PSEN1: variants seen among roughly 807,000 people sequenced by gnomAD.
The protein encoded by PSEN1 is presenilin 1.
Under a neutral mutation model 53.5 loss-of-function variants are expected in PSEN1, and 15 were observed. The observed-to-expected ratio is 0.28, with a 90% CI of 0.19 to 0.43. PSEN1 has a LOEUF of 0.43. Among genes scored for constraint, PSEN1 ranks in the 20% least tolerant of loss-of-function variants. The probability of loss-of-function intolerance (pLI) is 1.00; values close to 1 mark genes in which losing one functional copy is unlikely to be tolerated. For synonymous variants in PSEN1, 208 were observed against 209.8 expected (o/e 0.99, Z 0.08); for missense variants, 387 against 571.2 (o/e 0.68, Z 3.29).
chr14:73,185,198 C>A (rs1320065413), intron 5 of PSEN1, among the ~76,000 whole-genome samples: 1 of 151,098 alleles, frequency 6.6e-6, no homozygotes, highest in African/African-American at 2.4e-5. Context: ...ACTTCCCAGA[C>A]GGGGTGGCGG....
At chr14:73,165,478 G>A (rs1897682918) in intron 3 of PSEN1, among the ~76,000 whole-genome samples, 1 of 151,766 alleles carries the variant, frequency 6.6e-6, no homozygotes, top group Non-Finnish European at 1.5e-5. Context: ...GGGCGCAGTG[G>A]CTCACGCCTT....
intron 3 of PSEN1, among the ~76,000 whole-genome samples, chr14:73,170,039 C>T (rs1195264598): frequency 6.6e-6 from 1 of 152,192 alleles, no homozygotes; most frequent in African/African-American, 2.4e-5. Flanking sequence ...TTAGACCATA[C>T]AAGGTAACTT....
At chr14:73,148,355 A>T (rs1897128277) in intron 3 of PSEN1, among the ~76,000 whole-genome samples, 1 of 152,192 alleles carries the variant, frequency 6.6e-6, no homozygotes, top group Non-Finnish European at 1.5e-5. Context: ...CAAGGTGTGC[A>T]GCGCCTCATA....
chr14:73,186,750 CT>C, intron 5 of PSEN1, 102 bp from the exon 6 acceptor site: 1 of 948,108 alleles, frequency 1.1e-6, no homozygotes, highest in South Asian at 1.3e-5. Flanking sequence ...GCACTCCAGT[CT>C]GGGCGACAAA....
Position 73,142,053 on chromosome 14 carries a change from G to C in PSEN1, c.-136+5470G>C, listed in dbSNP as rs182558084. ...CTGCACTCCAGCCTGGGCGACAGAG[G>C]GAGACTCCGTCTCAAAAAAAAAAAA... On this transcript the variant is annotated intron_variant, in intron 1 of 11. Transcript: ENST00000324501. Among the ~76,000 whole-genome samples, 7 of 151,072 alleles carry C rather than the reference G, an allele frequency of 4.6e-5. No homozygotes were observed. The East Asian group carries it at 1.4e-3, about 29-fold the overall frequency.
intron 3 of PSEN1, among the ~76,000 whole-genome samples, chr14:73,158,046 A>C (rs1286149047): frequency 2.0e-5 from 3 of 151,538 alleles, no homozygotes; most frequent in African/African-American, 7.3e-5. Flanking sequence ...AATTATTTTG[A>C]AATTCGTCCA....
intron 8 of PSEN1, among the ~76,000 whole-genome samples, chr14:73,199,891 G>A (rs1409259766): frequency 2.0e-5 from 3 of 152,122 alleles, no homozygotes; most frequent in Admixed American, 6.5e-5. Context: ...GATTACAGGC[G>A]TGTGCCACCA....
chr14:73,158,833 C>G (rs1188161121), intron 3 of PSEN1, among the ~76,000 whole-genome samples: 1 of 152,202 alleles, frequency 6.6e-6, no homozygotes, highest in African/African-American at 2.4e-5. Flanking sequence ...TTTCTACCAG[C>G]AGTATGAGTT....
intron 1 of PSEN1, among the ~76,000 whole-genome samples, chr14:73,145,804 A>T (rs1897053205): frequency 6.6e-6 from 1 of 152,276 alleles, no homozygotes; most frequent in East Asian, 1.9e-4. Context: ...AATTTTGTCC[A>T]TATTAAAAGA....
chr14:73,146,541 A>G (rs1897076670), intron 1 of PSEN1, among the ~76,000 whole-genome samples: 1 of 152,232 alleles, frequency 6.6e-6, no homozygotes, highest in South Asian at 2.1e-4. Flanking sequence ...AAAGATGGAC[A>G]TGGTACATAA....
At chr14:73,140,995 A>G (rs74676595) in intron 1 of PSEN1, among the ~76,000 whole-genome samples, 10 of 152,194 alleles carry the variant, frequency 6.6e-5, no homozygotes, top group African/African-American at 2.4e-4. Flanking sequence ...GTGGCTATCC[A>G]TGATAAGCTT....
chr14:73,153,662 ATT>A (rs34369135), intron 3 of PSEN1, among the ~76,000 whole-genome samples: 5 of 138,642 alleles, frequency 3.6e-5, no homozygotes, highest in Admixed American at 7.3e-5. Flanking sequence ...CCATTAAGTC[ATT>A]TTTTTTTTTT....
chr14:73,193,666 C>CT lies in PSEN1; in HGVS notation c.769+810dup, dbSNP rs1281539422. On this transcript the variant is annotated intron_variant, in intron 7 of 11. Transcript: ENST00000324501. ...TATATCTTACTGCAGAAGCTTTTTT[C>CT]TTTTTTTTGAGACAAAGTCTTGCTG... Among the ~76,000 whole-genome samples the CT allele has an allele frequency of 1.9e-4, 28 of 144,222 alleles. No homozygotes were observed. In the South Asian group the frequency reaches 4.0e-3, roughly 20 times the overall value. The allele number at this position is 144,222 out of a possible 152,430, so 94.6% of individuals were successfully genotyped here. A position where few individuals can be genotyped will look rare whatever the true frequency, so the allele number is the denominator to read the frequency against.
intron 4 of PSEN1, 137 bp downstream of exon 4, chr14:73,171,184 C>A: frequency 9.8e-7 from 1 of 1,020,388 alleles, no homozygotes; most frequent in Non-Finnish European, 1.5e-6. Context: ...TGGTCAGGAG[C>A]AGTTGAGAGA....
intron 10 of PSEN1, among the ~76,000 whole-genome samples, chr14:73,212,759 A>G (rs574666941): frequency 6.6e-6 from 1 of 152,370 alleles, no homozygotes; most frequent in South Asian, 2.1e-4. Flanking sequence ...GAACATTATC[A>G]GCCACTAAAG....
intron 3 of PSEN1, among the ~76,000 whole-genome samples, chr14:73,149,975 A>G (rs1897171912): frequency 6.6e-6 from 1 of 152,246 alleles, no homozygotes; most frequent in Non-Finnish European, 1.5e-5. Context: ...GCTGCTGTGC[A>G]TAATCTCATT....
chr14:73,155,753 A>G (rs1209084274), intron 3 of PSEN1, among the ~76,000 whole-genome samples: 1 of 152,124 alleles, frequency 6.6e-6, no homozygotes, highest in East Asian at 1.9e-4. Context: ...TCCTGGGCTC[A>G]AGCGATTCTC....
intron 3 of PSEN1, among the ~76,000 whole-genome samples, chr14:73,162,700 A>C (rs1897589737): frequency 6.6e-6 from 1 of 152,130 alleles, no homozygotes; most frequent in Non-Finnish European, 1.5e-5. Flanking sequence ...GATGTGTAGA[A>C]AAATCTCTAA....
At chr14:73,188,883 G>C (rs2140084995) in intron 6 of PSEN1, among the ~76,000 whole-genome samples, 1 of 152,176 alleles carries the variant, frequency 6.6e-6, no homozygotes, top group Admixed American at 6.5e-5. Flanking sequence ...CTGCCTCCTG[G>C]GTTCAAGCGA....
Sources: allele counts gnomAD v4.1 joint callset (sites outside exome capture counted in the v4.1 genomes callset), GRCh38; gene constraint gnomAD v4.1.1; transcripts MANE v1.5; gene names NCBI Gene and HGNC (gene_info 2026-07-23, HGNC 2026-07-21).